CHLSN: variants seen among roughly 807,000 people sequenced by gnomAD.
CHLSN encodes protein cholesin.
chr7:999,525 T>C, the CHLSN span, among the ~76,000 whole-genome samples: 1 of 152,154 alleles, frequency 6.6e-6, no homozygotes. Flanking sequence ...CAGTGAACTG[T>C]GGTCGTGTCA....
At chr7:1,066,452 G>A in the CHLSN span, among the ~76,000 whole-genome samples, 1 of 152,230 alleles carries the variant, frequency 6.6e-6, no homozygotes. Flanking sequence ...CCGGCGGGGG[G>A]CCCTGCTCAA....
the CHLSN span, among the ~76,000 whole-genome samples, chr7:1,095,570 G>A: frequency 2.0e-5 from 3 of 152,208 alleles, no homozygotes; most frequent in African/African-American, 7.2e-5. Context: ...AAAATACGCA[G>A]ACGAGAGACC....
chr7:1,037,598 A>T, the CHLSN span, among the ~76,000 whole-genome samples: 1 of 145,586 alleles, frequency 6.9e-6, no homozygotes. Flanking sequence ...GCTCACTACA[A>T]CCTACACCTC....
At chr7:990,802 C>T in the CHLSN span, among the ~76,000 whole-genome samples, 6 of 152,042 alleles carry the variant, frequency 3.9e-5, no homozygotes, top group South Asian at 4.1e-4. Flanking sequence ...GGGGTCCTGG[C>T]GCCAGGTGGG....
At chr7:1,133,963 C>T in the CHLSN span, among the ~76,000 whole-genome samples, 1 of 152,060 alleles carries the variant, frequency 6.6e-6, no homozygotes, top group Non-Finnish European at 1.5e-5. Context: ...TACACCACCA[C>T]GTAGCTAACT....
chr7:986,438 A>G, the CHLSN span: 348,210 of 648,392 alleles, frequency 0.54, 95,240 homozygotes, highest in East Asian at 0.69. Context: ...GGACACGGAC[A>G]GGGGGTTTCC....
At chr7:1,039,456 C>T in the CHLSN span, among the ~76,000 whole-genome samples, 9 of 67,786 alleles carry the variant, frequency 1.3e-4, no homozygotes, top group Admixed American at 3.9e-4. Flanking sequence ...CCGCCCCGTC[C>T]GGGAGGTGAG....
chr7:1,011,323 G>A, the CHLSN span, among the ~76,000 whole-genome samples: 5 of 113,678 alleles, frequency 4.4e-5, no homozygotes, highest in African/African-American at 1.7e-4. Context: ...ACCCCCACAT[G>A]CCACACACCC....
At chr7:1,011,693 C>T in the CHLSN span, among the ~76,000 whole-genome samples, 10 of 151,938 alleles carry the variant, frequency 6.6e-5, no homozygotes, top group Admixed American at 5.9e-4. Flanking sequence ...GATGCCCACA[C>T]ACCCAGACAC....
the CHLSN span, chr7:985,020 G>A: frequency 1.9e-6 from 3 of 1,612,078 alleles, no homozygotes; most frequent in South Asian, 1.1e-5. Context: ...TGCACAGCCT[G>A]GGCGTGGGCC....
At chr7:1,067,271 C>T in the CHLSN span, among the ~76,000 whole-genome samples, 91 of 102,740 alleles carry the variant, frequency 8.9e-4, no homozygotes, top group East Asian at 2.4e-3. Context: ...CTGGAGTACA[C>T]CCAGAGGTGC....
At chr7:994,010 C>G in the CHLSN span, among the ~76,000 whole-genome samples, 1 of 152,282 alleles carries the variant, frequency 6.6e-6, no homozygotes, top group African/African-American at 2.4e-5. Context: ...GGTCTCCAGC[C>G]TGCTCTGCGT....
the CHLSN span, among the ~76,000 whole-genome samples, chr7:1,103,158 G>A: frequency 1.1e-4 from 17 of 152,348 alleles, no homozygotes; most frequent in African/African-American, 3.6e-4. Context: ...CATAAACGGT[G>A]TGGAACATCG....
At chr7:1,122,417 A>G in the CHLSN span, among the ~76,000 whole-genome samples, 1 of 152,124 alleles carries the variant, frequency 6.6e-6, no homozygotes, top group Non-Finnish European at 1.5e-5. Flanking sequence ...ACCAGCAGCC[A>G]CTCGGCTGGC....
chr7:1,023,173 G>A, the CHLSN span: 2 of 351,428 alleles, frequency 5.7e-6, no homozygotes, highest in East Asian at 1.7e-4. This position sits in a 1 kb window ranked among gnomAD's most constrained non-coding sequence, Gnocchi z 5.0. Context: ...ACAGCCACAG[G>A]GAGACACAGA....
At chr7:1,135,787 A>G in the CHLSN span, among the ~76,000 whole-genome samples, 1 of 95,032 alleles carries the variant, frequency 1.1e-5, no homozygotes, top group Admixed American at 1.1e-4. Flanking sequence ...ATATATATAT[A>G]TATATACACA....
the CHLSN span, chr7:1,058,152 G>T: frequency 1.8e-5 from 13 of 739,630 alleles, 1 homozygote; most frequent in South Asian, 1.8e-4. Context: ...ACTCTCCCGC[G>T]TCCGCAGGGA....
chr7:1,070,975 C>G, the CHLSN span, among the ~76,000 whole-genome samples: 8 of 150,676 alleles, frequency 5.3e-5, no homozygotes, highest in Non-Finnish European at 1.0e-4. Flanking sequence ...CACACGGGCA[C>G]ATGCACACGG....
the CHLSN span, among the ~76,000 whole-genome samples, chr7:978,865 G>A: frequency 6.6e-6 from 1 of 152,250 alleles, no homozygotes; most frequent in Non-Finnish European, 1.5e-5. Flanking sequence ...CATTCCACGA[G>A]GCCTGGGCCG....
Sources: gnomAD v4.1 joint callset for allele counts (sites outside exome capture counted in the v4.1 genomes callset) on GRCh38, gnomAD v4.1.1 for gene constraint, Gnocchi (gnomAD v3.1) non-coding constraint, MANE v1.5 for transcripts, NCBI Gene and HGNC (gene_info 2026-07-23, HGNC 2026-07-21) for gene names.